PDE4D: variants seen among roughly 807,000 people sequenced by gnomAD.
The protein encoded by PDE4D is phosphodiesterase 4D, also known as 3',5'-cyclic-AMP phosphodiesterase 4D.
In PDE4D, 24 loss-of-function variants were observed where a neutral mutation model predicts 87.4. The observed-to-expected ratio is 0.27, with a 90% CI of 0.20 to 0.39. The LOEUF is 0.39. Ranked by LOEUF, PDE4D falls within the 10% of genes least tolerant of loss-of-function variation. The pLI is 1.00. For missense variants in PDE4D, 714 were observed against 1,041.0 expected (o/e 0.69, Z 4.32); for synonymous variants, 384 against 383.2 (o/e 1.00, Z -0.02).
chr5:59,531,704 T>G (rs1018262189), intron 1 of PDE4D, among the ~76,000 whole-genome samples: 2 of 152,200 alleles, frequency 1.3e-5, no homozygotes, highest in African/African-American at 2.4e-5. Context: ...GTCTGACCCT[T>G]TTTCTGTTAT....
In PDE4D at chr5:58,975,968, A is replaced by AAAC; in HGVS notation, c.1831-132_1831-130dup. On this transcript the variant is annotated intron_variant, in intron 13 of 14. Coordinates refer to ENST00000340635, the MANE Select transcript of PDE4D (RefSeq NM_001104631.2). The surrounding 1 kb of genome is among the most constrained non-coding windows in gnomAD (Gnocchi z 4.2). ...ATACACGTAGTGTAAGATTTATTCC[A>AAAC]AACAGCTCAACCATGATGTGTCTGT... The AAAC allele has an allele frequency of 1.5e-6, 1 of 688,616 alleles. No individual in the cohort carries two copies. The allele number at this position is 688,616 out of a possible 1,614,324, so 42.7% of individuals were successfully genotyped here.
chr5:59,437,671 C>T (rs1377961731), intron 1 of PDE4D, among the ~76,000 whole-genome samples: 3 of 151,420 alleles, frequency 2.0e-5, no homozygotes, highest in Non-Finnish European at 4.4e-5. Flanking sequence ...ACTATGTATA[C>T]ACACAAGAAG....
chr5:59,180,582 A>G lies in PDE4D; in HGVS notation c.808+13T>C. The G allele has an allele frequency of 8.7e-6, 14 of 1,611,278 alleles. No individual in the cohort carries two copies. The highest frequency in any genetic ancestry group is 1.2e-5 in the Non-Finnish European group (14 of 1,178,014). Reference sequence around the variant, plus strand: ...CCTAGACACATGAAGAATAAGCTCCAGATCTTTCTTACCTGTTATGGTGGC... The same window carrying G: ...CCTAGACACATGAAGAATAAGCTCCGGATCTTTCTTACCTGTTATGGTGGC... On this transcript the variant is annotated intron_variant, in intron 5 of 14. Coordinates refer to ENST00000340635, the MANE Select transcript of PDE4D (RefSeq NM_001104631.2).
intron 2 of PDE4D, among the ~76,000 whole-genome samples, chr5:60,019,637 A>C (rs1472268765): frequency 6.6e-6 from 1 of 152,142 alleles, no homozygotes. Context: ...CTAGCATCTG[A>C]CTTTTCTCCT....
Position 59,584,450 on chromosome 5 carries a change from G to A in PDE4D, c.455+308718C>T, listed in dbSNP as rs555570029. Among the ~76,000 whole-genome samples the A allele has an allele frequency of 5.3e-5, 8 of 152,320 alleles. No homozygotes were observed. The South Asian group carries it at 1.0e-3, about 20-fold the overall frequency. On this transcript the variant is annotated intron_variant, in intron 1 of 14. Coordinates refer to ENST00000340635, the MANE Select transcript of PDE4D (RefSeq NM_001104631.2). ...ACAACAGATTGGTACGACATGCAGT[G>A]AAGCAGATGAAGGGTTACCTAACTC...
chr5:59,223,282 C>A (rs999929717), intron 1 of PDE4D, among the ~76,000 whole-genome samples: 1 of 152,180 alleles, frequency 6.6e-6, no homozygotes, highest in African/African-American at 2.4e-5. Flanking sequence ...GAGGTCCCAA[C>A]AACCTAGGTG....
intron 1 of PDE4D, among the ~76,000 whole-genome samples, chr5:60,339,926 A>C (rs1478919329): frequency 6.6e-6 from 1 of 152,242 alleles, no homozygotes; most frequent in Non-Finnish European, 1.5e-5. Context: ...TTTATTTGGC[A>C]GAGTCAAATC....
intron 3 of PDE4D, chr5:59,986,709 T>C (rs1762486723): frequency 6.6e-6 from 1 of 152,186 alleles, no homozygotes; most frequent in African/African-American, 2.4e-5. Flanking sequence ...CACCATTCTC[T>C]AAATGGTAAG....
At chr5:59,801,464 C>T (rs1767117825) in intron 1 of PDE4D, among the ~76,000 whole-genome samples, 6 of 152,136 alleles carry the variant, frequency 3.9e-5, no homozygotes, top group Admixed American at 1.3e-4. Flanking sequence ...TATCTATCTA[C>T]TAACTTTAGG....
chr5:59,352,540 G>A (rs1251414894), intron 1 of PDE4D, among the ~76,000 whole-genome samples: 1 of 152,084 alleles, frequency 6.6e-6, no homozygotes, highest in Non-Finnish European at 1.5e-5. Context: ...TCACTGATGT[G>A]CTACCACTCA....
At chr5:60,105,376 C>G (rs1239744784) in intron 2 of PDE4D, among the ~76,000 whole-genome samples, 2 of 152,218 alleles carry the variant, frequency 1.3e-5, no homozygotes, top group Non-Finnish European at 2.9e-5. Flanking sequence ...AAGACCAAAT[C>G]TATGTCGGAT....
At chr5:59,009,924 A>C (rs941723617) in intron 6 of PDE4D, among the ~76,000 whole-genome samples, 2 of 152,192 alleles carry the variant, frequency 1.3e-5, no homozygotes, top group African/African-American at 2.4e-5. Context: ...CACCATTTTT[A>C]CCCTTTCAAA....
intron 3 of PDE4D, among the ~76,000 whole-genome samples, chr5:59,967,495 T>C (rs919501633): frequency 6.6e-6 from 1 of 151,984 alleles, no homozygotes; most frequent in Non-Finnish European, 1.5e-5. Context: ...AAGAAATATA[T>C]GAAAAATGCT....
chr5:59,030,603 C>T (rs1757206914), intron 6 of PDE4D, among the ~76,000 whole-genome samples: 1 of 151,804 alleles, frequency 6.6e-6, no homozygotes, highest in Non-Finnish European at 1.5e-5. Context: ...GGTATGGTGG[C>T]ACACACCTGT....
chr5:59,486,938 T>C (rs1805258804), intron 1 of PDE4D, among the ~76,000 whole-genome samples: 2 of 152,178 alleles, frequency 1.3e-5, no homozygotes, highest in Non-Finnish European at 1.5e-5. Flanking sequence ...ATCAAGAACT[T>C]AACTTTAAGA....
intron 1 of PDE4D, among the ~76,000 whole-genome samples, chr5:59,776,767 CT>C (rs1348268422): frequency 6.6e-6 from 1 of 151,870 alleles, no homozygotes; most frequent in Non-Finnish European, 1.5e-5. Context: ...CTTAAGTTAC[CT>C]TTTAGACAAT....
intron 1 of PDE4D, among the ~76,000 whole-genome samples, chr5:59,843,080 TA>T (rs1743263587): frequency 6.6e-6 from 1 of 152,130 alleles, no homozygotes; most frequent in South Asian, 2.1e-4. Flanking sequence ...TTTATTTATT[TA>T]TTTTTTTACC....
intron 1 of PDE4D, among the ~76,000 whole-genome samples, chr5:60,373,092 G>C (rs2149988289): frequency 6.6e-6 from 1 of 152,288 alleles, no homozygotes; most frequent in Non-Finnish European, 1.5e-5. Flanking sequence ...GAAAATACAA[G>C]TCACTCCGGC....
intron 1 of PDE4D, among the ~76,000 whole-genome samples, chr5:59,519,051 C>T (rs762067804): frequency 2.6e-5 from 4 of 152,124 alleles, no homozygotes; most frequent in Non-Finnish European, 4.4e-5. Flanking sequence ...TTCTGCTGTC[C>T]TTCCTTCTTC....
Sources: gnomAD v4.1 joint callset for allele counts (sites outside exome capture counted in the v4.1 genomes callset) on GRCh38, gnomAD v4.1.1 for gene constraint, Gnocchi (gnomAD v3.1) non-coding constraint, MANE v1.5 for transcripts, NCBI Gene and HGNC (gene_info 2026-07-23, HGNC 2026-07-21) for gene names.